TBC1D5: variants seen among roughly 807,000 people sequenced by gnomAD.
TBC1D5 encodes the protein TBC1 domain family, member 5.
TBC1D5 carries 75 observed loss-of-function variants against 100.3 expected under a neutral mutation model. That is an observed-to-expected ratio of 0.75 (90% confidence interval 0.62 to 0.91). The LOEUF (loss-of-function observed/expected upper bound fraction) is 0.91. Ranked by LOEUF, TBC1D5 falls within the 40% of genes least tolerant of loss-of-function variation. TBC1D5 has a pLI of 0.00. For missense variants in TBC1D5, 910 were observed against 942.4 expected (o/e 0.97, Z 0.45); for synonymous variants, 323 against 325.6 (o/e 0.99, Z 0.09).
exon 17 of TBC1D5, chr3:17,238,323 G>A (rs1210583731): frequency 6.8e-6 from 11 of 1,613,986 alleles, no homozygotes; most frequent in Non-Finnish European, 9.3e-6. Flanking sequence ...CACCTGCACT[G>A]CCTGGAGCCA....
chr3:17,353,745 T>C (rs1197869183), intron 13 of TBC1D5, among the ~76,000 whole-genome samples: 1 of 152,126 alleles, frequency 6.6e-6, no homozygotes, highest in Non-Finnish European at 1.5e-5. Context: ...GTCAGAGTAC[T>C]TCATATAAGA....
chr3:17,191,115 A>G (rs1008130430), intron 18 of TBC1D5, among the ~76,000 whole-genome samples: 4 of 152,196 alleles, frequency 2.6e-5, no homozygotes, highest in Admixed American at 6.5e-5. Flanking sequence ...AAGAGTATTA[A>G]AATAAGTGGT....
chr3:17,246,191 A>C (rs778281942), intron 16 of TBC1D5, among the ~76,000 whole-genome samples: 3 of 152,230 alleles, frequency 2.0e-5, no homozygotes, highest in Non-Finnish European at 4.4e-5. Flanking sequence ...ATGCAGGCAT[A>C]GAAAGGAACA....
At chr3:17,432,411 A>G (rs2094460499) in intron 3 of TBC1D5, among the ~76,000 whole-genome samples, 1 of 152,236 alleles carries the variant, frequency 6.6e-6, no homozygotes, top group South Asian at 2.1e-4. Context: ...GTGAAGGCAA[A>G]GCATAATGAC....
rs564820421 is a variant in TBC1D5, at chr3:17,289,063, C to T, written c.1245+2832G>A. Among the ~76,000 whole-genome samples the T allele has an allele frequency of 6.1e-4, 93 of 152,362 alleles. 1 individual carries two copies. Among genetic ancestry groups the T allele is most frequent in the Admixed American group, 3.5e-3 (53 of 15,312 alleles). ...GCTTCGGGGTTGTGGGCACCCCTGC[C>T]TGGGCACCACTGTGTTCCCCTTATC... On this transcript the variant is annotated intron_variant, in intron 15 of 21. Transcript: ENST00000253692.
At chr3:17,186,720 A>AAAAAAAAAAAAAAAAAAAAAAAAAAAG (rs2069139070) in intron 18 of TBC1D5, among the ~76,000 whole-genome samples, 1 of 135,036 alleles carries the variant, frequency 7.4e-6, no homozygotes, top group Admixed American at 7.1e-5. Context: ...CAAAAAAAAA[A>AAAAAAAAAAAAAAAAAAAAAAAAAAAG]AAAAAAAAAA....
intron 1 of TBC1D5, among the ~76,000 whole-genome samples, chr3:17,651,686 G>C (rs2065584654): frequency 6.6e-6 from 1 of 151,666 alleles, no homozygotes; most frequent in African/African-American, 2.4e-5. Context: ...CTGGGTGACA[G>C]AGACTCGTCT....
intron 3 of TBC1D5, among the ~76,000 whole-genome samples, chr3:17,442,683 C>A (rs573662948): frequency 6.6e-6 from 1 of 152,280 alleles, no homozygotes; most frequent in South Asian, 2.1e-4. Flanking sequence ...ATATTAATAT[C>A]AACTACCACC....
At chr3:17,729,015 G>GAAA (rs2076342384) in intron 1 of TBC1D5, among the ~76,000 whole-genome samples, 1 of 12,394 alleles carries the variant, frequency 8.1e-5, no homozygotes, top group Non-Finnish European at 1.8e-4. Flanking sequence ...CTGAAAATCA[G>GAAA]TAAAAAAAAA....
intron 1 of TBC1D5, among the ~76,000 whole-genome samples, chr3:17,653,000 A>C (rs1261718165): frequency 6.6e-6 from 1 of 152,244 alleles, no homozygotes; most frequent in Non-Finnish European, 1.5e-5. Flanking sequence ...ACAAATGCTA[A>C]GATACGGACA....
rs140777002 is a variant in TBC1D5, at chr3:17,233,501, A to G, written c.1588+4662T>C. The stretch of plus-strand genomic sequence containing the variant: ...CATCACAGCCATATTCGGCATCACC[A>G]AGGTATGACATGAGAGGGGACTTTT... On this transcript the variant is annotated intron_variant, in intron 17 of 21. Coordinates refer to ENST00000253692, the Ensembl canonical transcript of TBC1D5. 4.8e-3 allele frequency among the ~76,000 whole-genome samples: 726 copies of G among 152,314 alleles called. 3 individuals are homozygous for G. Among genetic ancestry groups the G allele is most frequent in the Non-Finnish European group, 8.1e-3 (551 of 68,004 alleles).
chr3:17,165,287 T>C (rs904882935), intron 21 of TBC1D5, among the ~76,000 whole-genome samples: 2 of 152,258 alleles, frequency 1.3e-5, no homozygotes, highest in African/African-American at 4.8e-5. Context: ...AATTCATTAG[T>C]GATTTTAAAA....
intron 15 of TBC1D5, among the ~76,000 whole-genome samples, chr3:17,275,573 T>C (rs1182700470): frequency 6.6e-6 from 1 of 152,172 alleles, no homozygotes; most frequent in Non-Finnish European, 1.5e-5. Flanking sequence ...CAACCCCCCG[T>C]AACTAGGTGG....
chr3:17,580,671 C>T (rs1407681252), intron 2 of TBC1D5, among the ~76,000 whole-genome samples: 3 of 152,130 alleles, frequency 2.0e-5, no homozygotes, highest in Non-Finnish European at 4.4e-5. Context: ...CCTCTCTTCA[C>T]TCCAACTTCC....
intron 19 of TBC1D5, among the ~76,000 whole-genome samples, chr3:17,178,082 T>TTC (rs1297698591): frequency 6.6e-6 from 1 of 150,928 alleles, no homozygotes; most frequent in African/African-American, 2.4e-5. Flanking sequence ...TTTTTTTTTT[T>TTC]TGAGATGGAG....
chr3:17,323,137 G>GA lies in TBC1D5; in HGVS notation c.996-15004dup, dbSNP rs1315639915. Among the ~76,000 whole-genome samples the GA allele has an allele frequency of 7.2e-5, 11 of 152,142 alleles. No homozygotes were observed. In the East Asian group the frequency reaches 1.5e-3, roughly 21 times the overall value. On this transcript the variant is annotated intron_variant, in intron 13 of 21. Transcript: ENST00000253692. ...TATAACATTCAAAATTTACAGCACTGAATTTTAAAAATCACAAATTATGTG... is the reference window on the plus strand; with the variant it reads ...TATAACATTCAAAATTTACAGCACTGAAATTTTAAAAATCACAAATTATGTG...
intron 4 of TBC1D5, among the ~76,000 whole-genome samples, chr3:17,410,954 A>C (rs1030107994): frequency 6.6e-6 from 1 of 152,212 alleles, no homozygotes; most frequent in Non-Finnish European, 1.5e-5. Flanking sequence ...GACTGAGTCC[A>C]ATTTTGAAAC....
intron 2 of TBC1D5, among the ~76,000 whole-genome samples, chr3:17,570,627 C>T (rs989832132): frequency 6.6e-6 from 1 of 151,892 alleles, no homozygotes; most frequent in Non-Finnish European, 1.5e-5. Context: ...ATTTTTAATG[C>T]ATTTCAAAGT....
intron 1 of TBC1D5, among the ~76,000 whole-genome samples, chr3:17,625,160 T>C (rs1018254747): frequency 3.9e-5 from 6 of 152,080 alleles, no homozygotes; most frequent in African/African-American, 1.4e-4. Flanking sequence ...TGGTTAAATA[T>C]TCCACCTATA....
Sources: allele counts gnomAD v4.1 joint callset (sites outside exome capture counted in the v4.1 genomes callset), GRCh38; gene constraint gnomAD v4.1.1; transcripts MANE v1.5; gene names NCBI Gene and HGNC (gene_info 2026-07-23, HGNC 2026-07-21).